Variants in CPAMD8 observed in about 807,000 individuals in gnomAD.
The protein encoded by CPAMD8 is C3 and PZP-like alpha-2-macroglobulin domain-containing protein 8.
CPAMD8 carries 146 observed loss-of-function variants against 224.7 expected under a neutral mutation model. The observed-to-expected ratio is 0.65, with a 90% confidence interval of 0.57 to 0.75. The LOEUF is 0.75. Ranked by LOEUF, CPAMD8 falls within the 30% of genes least tolerant of loss-of-function variation. CPAMD8 has a pLI of 0.00. For synonymous variants in CPAMD8, 966 were observed against 1,044.6 expected (o/e 0.92, Z 1.45); for missense variants, 2,301 against 2,537.5 (o/e 0.91, Z 2.00).
chr19:16,915,337 C>G (rs2052907087), intron 27 of CPAMD8, among the ~76,000 whole-genome samples: 1 of 152,038 alleles, frequency 6.6e-6, no homozygotes, highest in Non-Finnish European at 1.5e-5. Flanking sequence ...GGAGCAGCTG[C>G]AGCCATTTTG....
chr19:16,904,176 A>ACCCCCCCCCCCCCCCCCCCAAGCCC, intron 32 of CPAMD8, 50 bp downstream of exon 32: 1 of 937,340 alleles, frequency 1.1e-6, no homozygotes, highest in Non-Finnish European at 1.7e-6. Context: ...GACTGCAGGG[A>ACCCCCCCCCCCCCCCCCCCAAGCCC]CCCCACCCAC....
chr19:17,011,597 T>C lies in CPAMD8; in HGVS notation c.428A>G (p.His143Arg). Reference protein sequence around the residue: ...QTDKPVYRPQHRVLISIFTVS... With the variant: ...QTDKPVYRPQRRVLISIFTVS... Reference sequence around the variant, plus strand: ...CATCCATGCTGGCCACTCACCTCGGTGCTGGGGTCTGTACACAGGCTTGTC... The same window carrying C: ...CATCCATGCTGGCCACTCACCTCGGCGCTGGGGTCTGTACACAGGCTTGTC... The change falls in exon 4 of 42, where the codon CAC (histidine) becomes CGC (arginine). Residue 143 changes from histidine to arginine, a missense_variant. By Grantham distance (29) the His-to-Arg change is conservative (BLOSUM62 0). Coordinates refer to ENST00000443236, the MANE Select transcript of CPAMD8 (RefSeq NM_015692.5). The C allele has an allele frequency of 1.2e-6, 2 of 1,614,088 alleles. No homozygotes were observed. Among genetic ancestry groups the C allele is most frequent in the Non-Finnish European group, 1.7e-6 (2 of 1,180,014 alleles).
intron 10 of CPAMD8, 105 bp downstream of exon 10, chr19:17,000,309 C>T: frequency 1.7e-6 from 1 of 605,188 alleles, no homozygotes; most frequent in Non-Finnish European, 3.0e-6. Context: ...TTTTTAAAGG[C>T]AGTAAATAAA....
intron 41 of CPAMD8, chr19:16,894,369 A>G: frequency 2.2e-6 from 1 of 456,476 alleles, no homozygotes; most frequent in Non-Finnish European, 4.4e-6. Context: ...GCTGATAGGG[A>G]CAGGATGCAG....
intron 27 of CPAMD8, among the ~76,000 whole-genome samples, chr19:16,917,602 A>C (rs953981979): frequency 6.6e-6 from 1 of 152,156 alleles, no homozygotes; most frequent in African/African-American, 2.4e-5. Flanking sequence ...TTAGCTGGGC[A>C]TGGTAGTGCA....
chr19:16,982,168 A>G (rs2055537869), intron 13 of CPAMD8, among the ~76,000 whole-genome samples: 1 of 152,046 alleles, frequency 6.6e-6, no homozygotes, highest in Non-Finnish European at 1.5e-5. Flanking sequence ...CCGAGGCGAG[A>G]GGATTGCTTG....
rs773481207 is a variant in CPAMD8, at chr19:17,026,579, C to A, written c.64G>T (p.Gly22Cys). ...GCCTGAGGCTGCGCGGCGCGCACGC[C>A]GTCCCGCGCCGACAGCAGCAGGAGC... Reference protein sequence around the residue: ...LLLLLLSARDGVRAAQPQAPG... With the variant: ...LLLLLLSARDCVRAAQPQAPG... Residue 22 changes from glycine (G) to cysteine (C), a missense_variant, in exon 1 of 42, where the codon GGC (glycine) becomes TGC (cysteine). By Grantham distance (159) the Gly-to-Cys change is radical (BLOSUM62 -3). Around this residue, in one of 4 missense-constraint regions of CPAMD8, gnomAD observed 283 missense variants for 340.6 expected, o/e 0.83. Coordinates refer to ENST00000443236, the MANE Select transcript of CPAMD8 (RefSeq NM_015692.5). 3.5e-5 allele frequency: 53 copies of A among 1,526,892 alleles called. No individual in the cohort carries two copies. In the African/African-American group the frequency reaches 7.1e-4, roughly 20 times the overall value. 94.6% of individuals were successfully genotyped at this position (1,526,892 alleles called of 1,614,324 possible).
At chr19:17,005,386 C>A (rs543215577) in intron 7 of CPAMD8, among the ~76,000 whole-genome samples, 17 of 151,632 alleles carry the variant, frequency 1.1e-4, no homozygotes, top group Middle Eastern at 3.4e-3. Context: ...TCCGACCCCC[C>A]ACCCCTCCAT....
At chr19:16,915,879 CTTTT>C (rs2144849013) in intron 27 of CPAMD8, among the ~76,000 whole-genome samples, 1 of 150,966 alleles carries the variant, frequency 6.6e-6, no homozygotes, top group East Asian at 2.0e-4. Flanking sequence ...TTCTTTCTCT[CTTTT>C]CTTTCTTTTT....
intron 18 of CPAMD8, among the ~76,000 whole-genome samples, chr19:16,960,886 C>A (rs1272474326): frequency 6.6e-6 from 1 of 151,162 alleles, no homozygotes; most frequent in African/African-American, 2.4e-5. Context: ...GAGTGAGACT[C>A]CTCCTCAAAA....
At chr19:16,981,000 T>A (rs1012165573) in intron 13 of CPAMD8, among the ~76,000 whole-genome samples, 1 of 140,778 alleles carries the variant, frequency 7.1e-6, no homozygotes, top group African/African-American at 3.0e-5. Context: ...GCCGGTATAA[T>A]TTTTGTATTT....
At chr19:16,940,141 A>G (rs1301892932) in intron 22 of CPAMD8, among the ~76,000 whole-genome samples, 1 of 151,846 alleles carries the variant, frequency 6.6e-6, no homozygotes, top group Non-Finnish European at 1.5e-5. Context: ...CGAACTCCTG[A>G]CCTCAGGTGA....
chr19:16,947,560 C>A (rs140563364), intron 20 of CPAMD8, among the ~76,000 whole-genome samples: 1 of 152,158 alleles, frequency 6.6e-6, no homozygotes, highest in Non-Finnish European at 1.5e-5. Context: ...CCATCCACTC[C>A]GGGACTCCAG....
chr19:16,899,681 C>T lies in CPAMD8; in HGVS notation c.4774-132G>A, dbSNP rs572977645. On this transcript the variant is annotated intron_variant, in intron 36 of 41. Coordinates refer to ENST00000443236, the MANE Select transcript of CPAMD8 (RefSeq NM_015692.5). This position sits in a 1 kb window ranked among gnomAD's most constrained non-coding sequence, Gnocchi z 5.4. ...CATGGGCTGGGGTCTGGGTGCTGGT[C>T]AGTGCTCCCCAGGCCCTGCCAGCCT... 3.5e-4 allele frequency: 224 copies of T among 633,370 alleles called. 2 individuals carry two copies. Among genetic ancestry groups the T allele is most frequent in the Middle Eastern group, 2.8e-3 (7 of 2,478 alleles). 39.2% of individuals were successfully genotyped at this position (633,370 alleles called of 1,614,324 possible). A position where few individuals can be genotyped will look rare whatever the true frequency, so the allele number is the denominator to read the frequency against.
intron 29 of CPAMD8, among the ~76,000 whole-genome samples, chr19:16,908,312 G>A (rs902846566): frequency 8.6e-5 from 13 of 151,658 alleles, no homozygotes; most frequent in African/African-American, 3.2e-4. Flanking sequence ...GCAGTGAGCC[G>A]AGATTGCACC....
intron 14 of CPAMD8, 51 bp from the exon 15 acceptor site, chr19:16,977,591 G>A (rs373747790): frequency 2.6e-5 from 37 of 1,411,234 alleles, no homozygotes; most frequent in Non-Finnish European, 3.4e-5. Flanking sequence ...CATCCGACAT[G>A]CAACCTCAGC....
intron 19 of CPAMD8, among the ~76,000 whole-genome samples, chr19:16,956,009 CA>C (rs1369564058): frequency 6.6e-6 from 1 of 152,094 alleles, no homozygotes; most frequent in Non-Finnish European, 1.5e-5. Context: ...GAGAGTTGAC[CA>C]GTCCTCTTTT....
intron 10 of CPAMD8, 97 bp from the exon 11 acceptor site, chr19:16,997,435 C>T (rs2056168137): frequency 5.4e-6 from 4 of 745,932 alleles, no homozygotes; most frequent in African/African-American, 1.7e-5. Context: ...GACTCTTCAG[C>T]TGCTTGGAGG....
In CPAMD8 at chr19:17,022,104, G is replaced by C. The variant is rs1168556326; in HGVS notation, c.170C>G (p.Pro57Arg). 1.2e-6 allele frequency: 2 copies of C among 1,605,866 alleles called. No individual in the cohort carries two copies. Among genetic ancestry groups the C allele is most frequent in the Non-Finnish European group, 1.7e-6 (2 of 1,176,078 alleles). ...EVISVTIFNS[P>R]REVTVQAQLV... ...CTGAGCCTGGACCGTGACTTCCCTT[G>C]GAGAGTTAAAGATGGTCACGCTGAT... The change falls in exon 2 of 42, where the codon CCA (proline) becomes CGA (arginine). Residue 57 changes from proline (P) to arginine (R), a missense_variant. Pro to Arg is a moderately radical substitution (Grantham distance 103). Around this residue, in one of 4 missense-constraint regions of CPAMD8, gnomAD observed 283 missense variants for 340.6 expected, o/e 0.83. Coordinates refer to ENST00000443236, the MANE Select transcript of CPAMD8 (RefSeq NM_015692.5).
Sources: gnomAD v4.1 joint callset for allele counts (sites outside exome capture counted in the v4.1 genomes callset) on GRCh38, gnomAD v4.1.1 for gene constraint, gnomAD v4.1.1 regional missense constraint, Gnocchi (gnomAD v3.1) non-coding constraint, MANE v1.5 for transcripts, NCBI Gene and HGNC (gene_info 2026-07-23, HGNC 2026-07-21) for gene names.